Variants in KCMF1 observed in about 807,000 individuals in gnomAD.
KCMF1 encodes the protein potassium channel modulatory factor 1, also known as E3 ubiquitin-protein ligase KCMF1.
KCMF1 carries 3 observed loss-of-function variants against 41.1 expected under a neutral mutation model. That is an observed-to-expected ratio of 0.07 (90% CI 0.03 to 0.19). The LOEUF (loss-of-function observed/expected upper bound fraction) is 0.19, where lower values mean the gene tolerates loss of function less well. Among genes scored for constraint, KCMF1 ranks in the 10% least tolerant of loss-of-function variants. The pLI is 1.00. For synonymous variants in KCMF1, 142 were observed against 164.5 expected (o/e 0.86, Z 1.04); for missense variants, 286 against 488.9 (o/e 0.58, Z 3.91).
chr2:85,028,566 T>C (rs548649474), intron 2 of KCMF1, among the ~76,000 whole-genome samples: 1 of 139,204 alleles, frequency 7.2e-6, no homozygotes, highest in Admixed American at 7.9e-5. Flanking sequence ...CTCAGCTCGC[T>C]GCAACCTCCA....
intron 1 of KCMF1, among the ~76,000 whole-genome samples, chr2:85,024,749 G>A (rs1675052577): frequency 6.6e-6 from 1 of 152,062 alleles, no homozygotes; most frequent in Non-Finnish European, 1.5e-5. Flanking sequence ...GATTTTTTGT[G>A]TGTATAGGAT....
At chr2:84,998,962 CTATCTGTCT>C (rs1275751002) in intron 1 of KCMF1, among the ~76,000 whole-genome samples, 2 of 58,602 alleles carry the variant, frequency 3.4e-5, no homozygotes, top group Non-Finnish European at 6.2e-5. Flanking sequence ...ATCTATCTAT[CTATCTGTCT>C]GTCTGTCTAT....
Position 85,058,528 on chromosome 2 carries a change from C to T in KCMF1, c.*5119C>T, listed in dbSNP as rs1199425007. ...AGCATCTGACTGTGTCCTTGGCAGACAGTGCATGTAGCCTGTAGAATGTTG... is the reference window on the plus strand; with the variant it reads ...AGCATCTGACTGTGTCCTTGGCAGATAGTGCATGTAGCCTGTAGAATGTTG... On this transcript the variant is annotated 3_prime_UTR_variant, in exon 7 of 7. Coordinates refer to ENST00000409785, the MANE Select transcript of KCMF1 (RefSeq NM_020122.5). 1 of 152,264 alleles carries T rather than the reference C, an allele frequency of 6.6e-6. No homozygotes were observed. Among genetic ancestry groups the T allele is most frequent in the African/African-American group, 2.4e-5 (1 of 41,470 alleles). 9.4% of individuals were successfully genotyped at this position (152,264 alleles called of 1,614,324 possible). A position where few individuals can be genotyped will look rare whatever the true frequency, so the allele number is the denominator to read the frequency against.
chr2:85,045,220 C>G (rs1478217406), intron 4 of KCMF1, among the ~76,000 whole-genome samples: 2 of 151,854 alleles, frequency 1.3e-5, no homozygotes, highest in East Asian at 3.9e-4. Context: ...AGCCTGGCAA[C>G]AAAGTGAGAC....
At chr2:84,993,575 A>G (rs1433701741) in intron 1 of KCMF1, among the ~76,000 whole-genome samples, 2 of 150,840 alleles carry the variant, frequency 1.3e-5, no homozygotes, top group South Asian at 2.1e-4. Flanking sequence ...TTATTTATTT[A>G]TTTATTTATT....
At chr2:84,989,220 T>C (rs1302191642) in intron 1 of KCMF1, among the ~76,000 whole-genome samples, 2 of 152,176 alleles carry the variant, frequency 1.3e-5, no homozygotes, top group Non-Finnish European at 2.9e-5. Flanking sequence ...GTGATTATAA[T>C]ACAGTGTAGT....
At chr2:85,028,777 C>T (rs186034032) in intron 2 of KCMF1, among the ~76,000 whole-genome samples, 28 of 151,958 alleles carry the variant, frequency 1.8e-4, no homozygotes, top group Non-Finnish European at 2.9e-4. Context: ...CGTAAGCCAC[C>T]GCGCCCGGCC....
intron 6 of KCMF1, among the ~76,000 whole-genome samples, chr2:85,050,240 A>G (rs1675776355): frequency 6.6e-6 from 1 of 152,226 alleles, no homozygotes; most frequent in African/African-American, 2.4e-5. Context: ...TAAACACTAT[A>G]TCATTATATA....
intron 1 of KCMF1, 120 bp downstream of exon 1, chr2:84,971,587 C>T: frequency 2.5e-6 from 1 of 407,894 alleles, no homozygotes; most frequent in Non-Finnish European, 3.6e-6. Flanking sequence ...GAGCCGGGCC[C>T]GAGGCGCTGG....
chr2:84,999,933 C>T (rs952327127), intron 1 of KCMF1, among the ~76,000 whole-genome samples: 3 of 151,464 alleles, frequency 2.0e-5, no homozygotes, highest in Non-Finnish European at 4.4e-5. Context: ...CTTAAATGTC[C>T]CCTGGAGAAA....
At chr2:85,019,306 A>G (rs1558577493) in intron 1 of KCMF1, among the ~76,000 whole-genome samples, 1 of 152,166 alleles carries the variant, frequency 6.6e-6, no homozygotes, top group Non-Finnish European at 1.5e-5. Flanking sequence ...TCATAAAATG[A>G]CACAGATTCT....
At chr2:85,009,666 CTTCT>C (rs1195526020) in intron 1 of KCMF1, among the ~76,000 whole-genome samples, 4 of 152,140 alleles carry the variant, frequency 2.6e-5, no homozygotes, top group African/African-American at 9.7e-5. Context: ...CTTCCCCCCT[CTTCT>C]TTCTTTTTTC....
intron 6 of KCMF1, among the ~76,000 whole-genome samples, chr2:85,052,286 G>T (rs1258127135): frequency 6.6e-6 from 1 of 152,138 alleles, no homozygotes; most frequent in Non-Finnish European, 1.5e-5. Flanking sequence ...AGCCAGGCTG[G>T]TCTCAAACTC....
rs1041841322 is a variant in KCMF1 at position 85,056,211 on chromosome 2, C to T, written c.*2802C>T. On this transcript the variant is annotated 3_prime_UTR_variant, in exon 7 of 7. Coordinates refer to ENST00000409785, the MANE Select transcript of KCMF1 (RefSeq NM_020122.5). ...TCAGGTAAAGTAAGAGAAAACTTCT[C>T]TCCCTGTGGCCCCCAGAGAAATGAA... is the stretch of plus-strand genomic sequence containing the variant. The T allele has an allele frequency of 7.2e-5, 11 of 152,050 alleles. No individual in the cohort carries two copies. The highest frequency in any genetic ancestry group is 2.4e-4 in the African/African-American group (10 of 41,408). 9.4% of individuals were successfully genotyped at this position (152,050 alleles called of 1,614,324 possible). A position where few individuals can be genotyped will look rare whatever the true frequency, so the allele number is the denominator to read the frequency against.
At chr2:85,010,733 G>A (rs1198325880) in intron 1 of KCMF1, among the ~76,000 whole-genome samples, 1 of 152,160 alleles carries the variant, frequency 6.6e-6, no homozygotes, top group East Asian at 1.9e-4. Flanking sequence ...TTTCTAGTCA[G>A]TCTCTACCAC....
intron 1 of KCMF1, among the ~76,000 whole-genome samples, chr2:84,982,866 T>G (rs1230372309): frequency 1.3e-5 from 2 of 152,228 alleles, no homozygotes; most frequent in Non-Finnish European, 2.9e-5. Flanking sequence ...ATACAGTGTG[T>G]TTGTATGGCT....
At chr2:85,008,367 T>TG (rs1357310672) in intron 1 of KCMF1, among the ~76,000 whole-genome samples, 12 of 8,192 alleles carry the variant, frequency 1.5e-3, no homozygotes, top group South Asian at 0.01. Context: ...ATATATTATA[T>TG]ATCATATGAT....
At chr2:84,986,267 G>T (rs1015113065) in intron 1 of KCMF1, among the ~76,000 whole-genome samples, 1 of 152,142 alleles carries the variant, frequency 6.6e-6, no homozygotes, top group Non-Finnish European at 1.5e-5. Context: ...AATAACCCTT[G>T]TATGACTGGG....
chr2:85,009,137 G>A (rs972883536), intron 1 of KCMF1, among the ~76,000 whole-genome samples: 33 of 152,094 alleles, frequency 2.2e-4, no homozygotes, highest in African/African-American at 7.7e-4. Context: ...ATTGAATCAT[G>A]GGGGCAGACT....
Sources: gnomAD v4.1 joint callset for allele counts (sites outside exome capture counted in the v4.1 genomes callset) on GRCh38, gnomAD v4.1.1 for gene constraint, MANE v1.5 for transcripts, NCBI Gene and HGNC (gene_info 2026-07-23, HGNC 2026-07-21) for gene names.